Variants in LRCH4 observed in about 807,000 individuals in gnomAD.
LRCH4 encodes the protein leucine rich repeats and calponin homology domain containing 4.
A neutral mutation model predicts 81.2 loss-of-function variants in LRCH4; 56 were observed. The ratio of observed to expected loss-of-function variants is 0.69; its 90% CI spans 0.56 to 0.86. LRCH4 has a LOEUF of 0.86. LRCH4 is among the 40% of genes least tolerant of loss of function. The pLI, the probability that LRCH4 is intolerant of heterozygous loss-of-function variation, is 0.00. For synonymous variants in LRCH4, 442 were observed against 409.7 expected (o/e 1.08, Z -0.95); for missense variants, 895 against 922.8 (o/e 0.97, Z 0.39).
rs1262735113 is a variant in LRCH4, at chr7:100,578,678, C to T, written c.707G>A (p.Ser236Asn). 1 of 1,614,152 alleles carries T rather than the reference C, an allele frequency of 6.2e-7. No homozygotes were observed. Among genetic ancestry groups the T allele is most frequent in the South Asian group, 1.1e-5 (1 of 91,082 alleles). The stretch of plus-strand genomic sequence containing the variant: ...GGCAGGTGGACTCTGCAGAGGGTTG[C>T]TGTCCAGCAGAATGACCTGCAGGTG... Reference protein sequence around the residue: ...LRHLQVILLDSNPLQSPPAQV... With the variant: ...LRHLQVILLDNNPLQSPPAQV... The change falls in exon 5 of 18, where the codon AGC (serine) becomes AAC (asparagine). Residue 236 changes from serine (S) to asparagine (N), a missense_variant. Physicochemically the swap from Ser to Asn is conservative, Grantham distance 46. Around this residue, in one of 3 missense-constraint regions of LRCH4, gnomAD observed 360 missense variants for 397.0 expected, o/e 0.91. Coordinates refer to ENST00000310300, the MANE Select transcript of LRCH4 (RefSeq NM_002319.5). This position sits in a 1 kb window ranked among gnomAD's most constrained non-coding sequence, Gnocchi z 5.7.
In LRCH4 at chr7:100,574,829, C is replaced by T; in HGVS notation, c.*278G>A. ...GGGGGAGACTCCAGCTCCTGCCACC[C>T]CTCACGGGGTACAGAGGGCAGGGGC... On this transcript the variant is annotated 3_prime_UTR_variant, in exon 18 of 18. Transcript: ENST00000310300. 2.7e-6 allele frequency: 1 copy of T among 375,076 alleles called. No homozygotes were observed. The highest frequency in any genetic ancestry group is 4.8e-6 in the Non-Finnish European group (1 of 206,488). 23.2% of individuals were successfully genotyped at this position (375,076 alleles called of 1,614,324 possible). A position where few individuals can be genotyped will look rare whatever the true frequency, so the allele number is the denominator to read the frequency against.
chr7:100,583,507 G>A lies in LRCH4; in HGVS notation c.221-1048C>T, dbSNP rs1279635128. Among the ~76,000 whole-genome samples the A allele has an allele frequency of 6.6e-6, 1 of 152,166 alleles. No homozygotes were observed. Among genetic ancestry groups the A allele is most frequent in the African/African-American group, 2.4e-5 (1 of 41,438 alleles). On this transcript the variant is annotated intron_variant, in intron 1 of 17. Transcript: ENST00000310300. This position sits in a 1 kb window ranked among gnomAD's most constrained non-coding sequence, Gnocchi z 4.3. ...ACAGACCTGGTGAGCTTCTCCAAGG[G>A]CCCTTCTCAGGGAAGGGCAGGCCAG...
At position 100,575,538 on chromosome 7, in the gene LRCH4, C is replaced by G; in HGVS notation, c.1854+167G>C. On this transcript the variant is annotated intron_variant, in intron 17 of 17. Coordinates refer to ENST00000310300, the MANE Select transcript of LRCH4 (RefSeq NM_002319.5). This position sits in a 1 kb window ranked among gnomAD's most constrained non-coding sequence, Gnocchi z 5.3. ...GGCAGGGGATGTGTAGGACAGGTGA[C>G]ATGCAGGGCAGGGGGCATGCAGGGC... is the stretch of plus-strand genomic sequence containing the variant. The G allele has an allele frequency of 2.2e-6, 2 of 916,720 alleles. 1 individual carries two copies. The highest frequency in any genetic ancestry group is 2.6e-5 in the South Asian group (2 of 76,546). The allele number at this position is 916,720 out of a possible 1,614,324, so 56.8% of individuals were successfully genotyped here.
rs910721002 is a variant in LRCH4, at chr7:100,577,025, A to C, written c.1365-20T>G. On this transcript the variant is annotated intron_variant, in intron 12 of 17. Transcript: ENST00000310300. This position sits in a 1 kb window ranked among gnomAD's most constrained non-coding sequence, Gnocchi z 6.7. The stretch of plus-strand genomic sequence containing the variant: ...GAGCCGCTGAGGAGAGACAGAAGGG[A>C]ATTAGAGGGATGATGGTCATAGGAA... The C allele has an allele frequency of 1.2e-6, 2 of 1,613,640 alleles. No homozygotes were observed. The highest frequency in any genetic ancestry group is 1.7e-5 in the Admixed American group (1 of 59,988).
rs774155638 is a variant in LRCH4 at position 100,582,165 on chromosome 7, C to T, written c.368G>A (p.Arg123Gln). 1.9e-5 allele frequency: 31 copies of T among 1,613,430 alleles called. No homozygotes were observed. The highest frequency in any genetic ancestry group is 2.4e-5 in the Non-Finnish European group (28 of 1,179,882). The change falls in exon 3 of 18, where the codon CGA becomes CAA. Residue 123 changes from arginine to glutamine, a missense_variant and splice_region_variant. Transcript: ENST00000310300. This position sits in a 1 kb window ranked among gnomAD's most constrained non-coding sequence, Gnocchi z 5.0. ...GGGTGGCAGCAGCGACAGCTGGTTT[C>T]GGCTGTGGAAGGGAGAAAGGCAGCG... Reference protein sequence around the residue: ...LTALTYLNLSRNQLSLLPPYI... With the variant: ...LTALTYLNLSQNQLSLLPPYI...
chr7:100,581,988 G>T, intron 3 of LRCH4, 53 bp downstream of exon 3: 1 of 1,600,274 alleles, frequency 6.2e-7, no homozygotes, highest in Admixed American at 1.7e-5. Context: ...CCCCCTAGAA[G>T]GTCCCGCTGC....
In LRCH4 at chr7:100,576,715, A is replaced by G; in HGVS notation, c.1531T>C (p.Ser511Pro). Residue 511 changes from serine to proline, a missense_variant, in exon 14 of 18, where the codon TCC (serine) becomes CCC (proline). Ser to Pro is a moderately conservative substitution (Grantham distance 74). Coordinates refer to ENST00000310300, the MANE Select transcript of LRCH4 (RefSeq NM_002319.5). Reference protein sequence around the residue: ...IQRPNSFLFRSSSQSGSGPSS... With the variant: ...IQRPNSFLFRPSSQSGSGPSS... ...CCACCTGAGCCACTCTGAGAGGAGG[A>G]ACGGAAGAGGAAGCTGTTTGGTCTC... 6.3e-7 allele frequency: 1 copy of G among 1,595,608 alleles called. No individual in the cohort carries two copies. The highest frequency in any genetic ancestry group is 2.3e-5 in the East Asian group (1 of 44,146).
chr7:100,577,440 A>G lies in LRCH4; in HGVS notation c.1179-51T>C. On this transcript the variant is annotated intron_variant, in intron 10 of 17. Coordinates refer to ENST00000310300, the MANE Select transcript of LRCH4 (RefSeq NM_002319.5). The surrounding 1 kb of genome is among the most constrained non-coding windows in gnomAD (Gnocchi z 6.7). Reference sequence around the variant, plus strand: ...GGGCAGACCCCGGGGTCAGGGAAGGAGGCGGTTGGGGGGTGGGAGGATCGG... The same window carrying G: ...GGGCAGACCCCGGGGTCAGGGAAGGGGGCGGTTGGGGGGTGGGAGGATCGG... 3 of 1,601,202 alleles carry G rather than the reference A, an allele frequency of 1.9e-6. No individual in the cohort carries two copies. The highest frequency in any genetic ancestry group is 2.5e-6 in the Non-Finnish European group (3 of 1,179,526).
intron 1 of LRCH4, chr7:100,584,295 T>C: frequency 2.2e-6 from 1 of 454,258 alleles, no homozygotes; most frequent in South Asian, 1.6e-5. Flanking sequence ...GGGACCCCAC[T>C]TGGCCTAGAA....
In LRCH4 at chr7:100,578,660, G is replaced by A; in HGVS notation, c.725C>T (p.Pro242Leu). 1 of 1,613,934 alleles carries A rather than the reference G, an allele frequency of 6.2e-7. No individual in the cohort carries two copies. Among genetic ancestry groups the A allele is most frequent in the Non-Finnish European group, 8.5e-7 (1 of 1,179,882 alleles). ...AGGCACCCGCCTCACCTGGGCAGGTGGACTCTGCAGAGGGTTGCTGTCCAG... is the reference window on the plus strand; with the variant it reads ...AGGCACCCGCCTCACCTGGGCAGGTAGACTCTGCAGAGGGTTGCTGTCCAG... ...ILLDSNPLQS[P>L]PAQVCLKGKL... The change falls in exon 5 of 18, where the codon CCA (proline) becomes CTA (leucine). Residue 242 changes from proline (P) to leucine (L), a missense_variant. By Grantham distance (98) the Pro-to-Leu change is moderately conservative. This residue lies in a region of LRCH4 where 360 missense variants were observed against 397.0 expected (regional missense o/e 0.91). Coordinates refer to ENST00000310300, the MANE Select transcript of LRCH4 (RefSeq NM_002319.5). This position sits in a 1 kb window ranked among gnomAD's most constrained non-coding sequence, Gnocchi z 5.7.
chr7:100,584,785 G>A (rs1470739798), intron 1 of LRCH4: 2 of 456,534 alleles, frequency 4.4e-6, no homozygotes, highest in East Asian at 1.4e-4. Flanking sequence ...AGTGTTCCCA[G>A]GTGAGCAGGC....
chr7:100,585,773 C>T lies in LRCH4; in HGVS notation c.220+108G>A, dbSNP rs1395903096. ...TAGGGCAATCAGGAGGGGCAGCAAC[C>T]CTGGCCGCCAGGTGAAGGGGCGGGC... On this transcript the variant is annotated intron_variant, in intron 1 of 17. Coordinates refer to ENST00000310300, the MANE Select transcript of LRCH4 (RefSeq NM_002319.5). The T allele has an allele frequency of 6.4e-6, 8 of 1,249,232 alleles. No individual in the cohort carries two copies. In the East Asian group the frequency reaches 2.3e-4, roughly 36 times the overall value. 77.4% of individuals were successfully genotyped at this position (1,249,232 alleles called of 1,614,324 possible).
rs766688184 is a variant in LRCH4 at position 100,575,064 on chromosome 7, TAG to T, written c.*41_*42del. 2 of 1,552,580 alleles carry T rather than the reference TAG, an allele frequency of 1.3e-6. No homozygotes were observed. The highest frequency in any genetic ancestry group is 1.9e-5 in the Admixed American group (1 of 53,006). On this transcript the variant is annotated 3_prime_UTR_variant, in exon 18 of 18. Transcript: ENST00000310300. This position sits in a 1 kb window ranked among gnomAD's most constrained non-coding sequence, Gnocchi z 5.3. The stretch of plus-strand genomic sequence containing the variant: ...TCGGGTGGAGCAGGGACCTTATAAA[TAG>T]AGAGGAAGGGAAAGGGGTGAGGGAG...
At position 100,574,559 on chromosome 7, in the gene LRCH4, C is replaced by T. The variant is rs2131145788; in HGVS notation, c.*548G>A. The T allele has an allele frequency of 6.6e-6, 1 of 152,622 alleles. No individual in the cohort carries two copies. Among genetic ancestry groups the T allele is most frequent in the Non-Finnish European group, 1.5e-5 (1 of 68,254 alleles). The allele number at this position is 152,622 out of a possible 1,614,324, so 9.5% of individuals were successfully genotyped here. ...CCGGGAGCATGAGAGGCCGGCATCT[C>T]AGGAGGGAGATGCTGGTGGGCACAG... On this transcript the variant is annotated 3_prime_UTR_variant, in exon 18 of 18. Transcript: ENST00000310300.
At chr7:100,576,063 G>T in intron 15 of LRCH4, 55 bp from the exon 16 acceptor site, 1 of 1,560,690 alleles carries the variant, frequency 6.4e-7, no homozygotes, top group Non-Finnish European at 8.7e-7. Flanking sequence ...CGTCTGGGAG[G>T]CAGGGAGAGT....
Position 100,576,243 on chromosome 7 carries a change from G to A in LRCH4, c.1633C>T (p.Arg545Cys), listed in dbSNP as rs141807671. 1.2e-4 allele frequency: 193 copies of A among 1,613,856 alleles called. No individual in the cohort carries two copies. The African/African-American group carries it at 2.2e-3, about 18-fold the overall frequency. The change falls in exon 15 of 18, where the codon CGC becomes TGC. Residue 545 changes from arginine (R) to cysteine (C), a missense_variant. This residue lies in a region of LRCH4 where 529 missense variants were observed against 504.9 expected (regional missense o/e 1.05). Coordinates refer to ENST00000310300, the MANE Select transcript of LRCH4 (RefSeq NM_002319.5). ...CAGCTCCCGCCTCTGCTCACCTGGCGCAGCTGAGTCATTAAGTCCTTCTCA... is the reference window on the plus strand; with the variant it reads ...CAGCTCCCGCCTCTGCTCACCTGGCACAGCTGAGTCATTAAGTCCTTCTCA... ...PDEKDLMTQL[R>C]QVLESRLQRP...
At position 100,575,315 on chromosome 7, in the gene LRCH4, G is replaced by C. The variant is rs1334967552; in HGVS notation, c.1855-11C>G. ...CGAGCACAGGTCAGCCTGGGGGAGA[G>C]GAGAGCAGGTGGACAAGGACAAGGG... On this transcript the variant is annotated splice_polypyrimidine_tract_variant and intron_variant, in intron 17 of 17. Transcript: ENST00000310300. This position sits in a 1 kb window ranked among gnomAD's most constrained non-coding sequence, Gnocchi z 5.3. 6.5e-7 allele frequency: 1 copy of C among 1,532,418 alleles called. No individual in the cohort carries two copies. Among genetic ancestry groups the C allele is most frequent in the Non-Finnish European group, 8.8e-7 (1 of 1,134,842 alleles). 94.9% of individuals were successfully genotyped at this position (1,532,418 alleles called of 1,614,324 possible).
rs781121515 is a variant in LRCH4 at position 100,581,766 on chromosome 7, A to G, written c.598+11T>C. 5.6e-6 allele frequency: 9 copies of G among 1,613,538 alleles called. No homozygotes were observed. The highest frequency in any genetic ancestry group is 7.6e-6 in the Non-Finnish European group (9 of 1,179,616). On this transcript the variant is annotated intron_variant, in intron 4 of 17. Coordinates refer to ENST00000310300, the MANE Select transcript of LRCH4 (RefSeq NM_002319.5). ...ACAAACACCTCCTCTCCAGTTCTTC[A>G]TTCTTCTCACCTTCGGGCAGCGTAC...
At chr7:100,585,724 G>A (rs1801715687) in intron 1 of LRCH4, among the ~76,000 whole-genome samples, 157 bp downstream of exon 1, 2 of 152,182 alleles carry the variant, frequency 1.3e-5, no homozygotes, top group Non-Finnish European at 2.9e-5. Flanking sequence ...GGTTCTCAAA[G>A]ATGGGAGAGG....
Sources: allele counts gnomAD v4.1 joint callset (sites outside exome capture counted in the v4.1 genomes callset), GRCh38; gene constraint gnomAD v4.1.1; regional missense constraint gnomAD v4.1.1; non-coding constraint Gnocchi (gnomAD v3.1); transcripts MANE v1.5; gene names NCBI Gene and HGNC (gene_info 2026-07-23, HGNC 2026-07-21).